CCDC88A: variants seen among roughly 807,000 people sequenced by gnomAD.
The protein encoded by CCDC88A is coiled-coil and HOOK domain protein 88A.
In CCDC88A, 54 loss-of-function variants were observed where a neutral mutation model predicts 234.3. The ratio of observed to expected loss-of-function variants is 0.23; its 90% CI spans 0.19 to 0.29. CCDC88A has a LOEUF of 0.29. CCDC88A is among the 10% of genes least tolerant of loss of function. The pLI, the probability that CCDC88A is intolerant of heterozygous loss-of-function variation, is 1.00. For synonymous variants in CCDC88A, 753 were observed against 737.8 expected, an observed-to-expected ratio of 1.02 and a Z score of -0.33; for missense variants, 1,832 against 2,123.4, an observed-to-expected ratio of 0.86 and a Z score of 2.70.
rs1233951594 is a variant in CCDC88A, at chr2:55,317,162, C to CT, written c.3746+43dup. ...ATATATACACATATATATGTATATA[C>CT]TTTCTATATAAAATGTTTGTTATAT... On this transcript the variant is annotated intron_variant, in intron 21 of 32. Coordinates refer to ENST00000436346, the MANE Select transcript of CCDC88A (RefSeq NM_001365480.1). This position sits in a 1 kb window ranked among gnomAD's most constrained non-coding sequence, Gnocchi z 4.2. The CT allele has an allele frequency of 5.8e-6, 5 of 856,544 alleles. No homozygotes were observed. Among genetic ancestry groups the CT allele is most frequent in the African/African-American group, 1.8e-5 (1 of 56,570 alleles). The allele number at this position is 856,544 out of a possible 1,614,324, so 53.1% of individuals were successfully genotyped here. A position where few individuals can be genotyped will look rare whatever the true frequency, so the allele number is the denominator to read the frequency against.
chr2:55,295,891 A>C lies in CCDC88A; in HGVS notation c.5257T>G (p.Phe1753Val), dbSNP rs766773561. 5 of 1,614,066 alleles carry C rather than the reference A, an allele frequency of 3.1e-6. No individual in the cohort carries two copies. In the South Asian group the frequency reaches 5.5e-5, roughly 18 times the overall value. ...GTTTTTCGAGGACCAGGTCTCAAAA[A>C]CTCAGGCTTAGTTGTCCGTCTATCA... The part of the protein sequence containing the change: ...FYDRRTTKPE[F>V]LRPGPRKTED... Residue 1753 changes from phenylalanine (F) to valine (V), a missense_variant, in exon 31 of 33, where the codon TTT becomes GTT. This residue lies in a region of CCDC88A where 422 missense variants were observed against 416.5 expected (regional missense o/e 1.01). Coordinates refer to ENST00000436346, the MANE Select transcript of CCDC88A (RefSeq NM_001365480.1).
chr2:55,360,234 G>T (rs745515849), intron 7 of CCDC88A, among the ~76,000 whole-genome samples: 1 of 151,944 alleles, frequency 6.6e-6, no homozygotes, highest in Non-Finnish European at 1.5e-5. Flanking sequence ...TGTTAAAAAG[G>T]GTGACCAAAT....
In CCDC88A at chr2:55,318,977, C is replaced by T. The variant is rs1482751398; in HGVS notation, c.3190G>A (p.Ala1064Thr). Reference sequence around the variant, plus strand: ...AGTTGCTTCAGTTGAGTTTTCAACGCTTGCTTCTCTGCTTGCAGTGTAGCA... The same window carrying T: ...AGTTGCTTCAGTTGAGTTTTCAACGTTTGCTTCTCTGCTTGCAGTGTAGCA... ...NNATLQAEKQ[A>T]LKTQLKQLET... The change falls in exon 19 of 33, where the codon GCG (alanine) becomes ACG (threonine). Residue 1064 changes from alanine to threonine, a missense_variant. Around this residue, in one of 6 missense-constraint regions of CCDC88A, gnomAD observed 1,282 missense variants for 1,543.6 expected, o/e 0.83. Coordinates refer to ENST00000436346, the MANE Select transcript of CCDC88A (RefSeq NM_001365480.1). 1 of 1,613,068 alleles carries T rather than the reference C, an allele frequency of 6.2e-7. No individual in the cohort carries two copies. The highest frequency in any genetic ancestry group is 8.5e-7 in the Non-Finnish European group (1 of 1,179,482).
At chr2:55,325,496 C>T (rs534756371) in intron 17 of CCDC88A, among the ~76,000 whole-genome samples, 43 of 152,234 alleles carry the variant, frequency 2.8e-4, no homozygotes, top group Non-Finnish European at 5.4e-4. Flanking sequence ...TTTACTTCTT[C>T]CTTTCAAATC....
At chr2:55,291,624 T>G in intron 32 of CCDC88A, 52 bp downstream of exon 32, 1 of 750,486 alleles carries the variant, frequency 1.3e-6, no homozygotes, top group African/African-American at 1.8e-5. Flanking sequence ...TTAATTTGGT[T>G]AGTTTGTATA....
chr2:55,343,551 G>A, intron 12 of CCDC88A, 97 bp downstream of exon 12: 1 of 887,422 alleles, frequency 1.1e-6, no homozygotes, highest in East Asian at 2.7e-5. Flanking sequence ...GTAGTCTTCT[G>A]AGATATCTCC....
At chr2:55,400,175 A>G (rs1179922061) in intron 2 of CCDC88A, among the ~76,000 whole-genome samples, 2 of 152,222 alleles carry the variant, frequency 1.3e-5, no homozygotes, top group Non-Finnish European at 2.9e-5. Context: ...ACAATTAATA[A>G]AGTTTTTATC....
At chr2:55,296,211 A>T in intron 30 of CCDC88A, 47 bp downstream of exon 30, 1 of 1,526,430 alleles carries the variant, frequency 6.6e-7, no homozygotes, top group Non-Finnish European at 8.9e-7. Flanking sequence ...ACAGAAATTT[A>T]ACTTGTGGTG....
At chr2:55,375,596 T>G (rs987864022) in intron 3 of CCDC88A, among the ~76,000 whole-genome samples, 1 of 150,006 alleles carries the variant, frequency 6.7e-6, no homozygotes, top group Non-Finnish European at 1.5e-5. Flanking sequence ...GGTGTGATCT[T>G]GACTCACTGC....
chr2:55,388,638 T>G, intron 3 of CCDC88A, 140 bp downstream of exon 3: 1 of 459,236 alleles, frequency 2.2e-6, no homozygotes, highest in African/African-American at 2.1e-5. Flanking sequence ...TAAACTATCT[T>G]ATTTACTACT....
At position 55,309,221 on chromosome 2, in the gene CCDC88A, C is replaced by T; in HGVS notation, c.4113G>A (p.Glu1371=). ...DKLNELRRQK[E]KLEEKIMDQY... The stretch of plus-strand genomic sequence containing the variant: ...GATCCATAATTTTCTCTTCTAGTTT[C>T]TCCTTCTGACGTCTTAATTCATTTA... Residue 1371 remains glutamate, a synonymous_variant, in exon 24 of 33, where the codon GAG becomes GAA. Coordinates refer to ENST00000436346, the MANE Select transcript of CCDC88A (RefSeq NM_001365480.1). This position sits in a 1 kb window ranked among gnomAD's most constrained non-coding sequence, Gnocchi z 5.1. 6.6e-7 allele frequency: 1 copy of T among 1,522,984 alleles called. No individual in the cohort carries two copies. Among genetic ancestry groups the T allele is most frequent in the Non-Finnish European group, 9.0e-7 (1 of 1,110,880 alleles). 94.3% of individuals were successfully genotyped at this position (1,522,984 alleles called of 1,614,324 possible).
chr2:55,341,371 C>T (rs945104143), intron 12 of CCDC88A, among the ~76,000 whole-genome samples: 18 of 151,598 alleles, frequency 1.2e-4, no homozygotes, highest in Admixed American at 1.2e-3. Flanking sequence ...TGGTCTTGAC[C>T]TCGTGATCTG....
At chr2:55,351,999 T>C (rs1220304433) in intron 8 of CCDC88A, among the ~76,000 whole-genome samples, 3 of 152,300 alleles carry the variant, frequency 2.0e-5, no homozygotes, top group East Asian at 1.9e-4. Context: ...ATTCCATTTA[T>C]ACAATAAAAT....
At chr2:55,291,395 G>A (rs1679436265) in intron 32 of CCDC88A, 1 of 196,132 alleles carries the variant, frequency 5.1e-6, no homozygotes, top group Non-Finnish European at 1.0e-5. Flanking sequence ...TACCACAAAA[G>A]GCTTCAAACT....
Position 55,334,991 on chromosome 2 carries a change from T to A in CCDC88A, c.1830A>T (p.Lys610Asn), listed in dbSNP as rs150415081. ...GTTCCAATTCTTTTTTAATTTGTCT[T>A]TTTTCAAATTCAATCTTGCTTAGCT... ...SSKLSKIEFE[K>N]RQIKKELEHY... The change falls in exon 15 of 33, where the codon AAA becomes AAT. Residue 610 changes from lysine to asparagine, a missense_variant. Lys to Asn is a moderately conservative substitution (Grantham distance 94). Coordinates refer to ENST00000436346, the MANE Select transcript of CCDC88A (RefSeq NM_001365480.1). This position sits in a 1 kb window ranked among gnomAD's most constrained non-coding sequence, Gnocchi z 6.1. The A allele has an allele frequency of 2.8e-4, 442 of 1,597,664 alleles. 1 individual carries two copies. Among genetic ancestry groups the A allele is most frequent in the Non-Finnish European group, 3.6e-4 (423 of 1,171,950 alleles).
intron 3 of CCDC88A, among the ~76,000 whole-genome samples, chr2:55,382,724 T>C (rs781487011): frequency 1.3e-5 from 2 of 152,214 alleles, no homozygotes; most frequent in Non-Finnish European, 2.9e-5. Flanking sequence ...ACGGATCAAG[T>C]GATTATTTGA....
chr2:55,319,037 A>C, intron 18 of CCDC88A, 33 bp from the exon 19 acceptor site: 1 of 1,576,998 alleles, frequency 6.3e-7, no homozygotes, highest in Non-Finnish European at 8.7e-7. Context: ...CAAACATATT[A>C]ACAATAATGG....
chr2:55,370,491 AT>A (rs1271566187), intron 5 of CCDC88A, among the ~76,000 whole-genome samples: 1 of 151,800 alleles, frequency 6.6e-6, no homozygotes, highest in Non-Finnish European at 1.5e-5. Flanking sequence ...AAAATAAAAA[AT>A]TAGCCAGGTG....
At chr2:55,395,564 C>T (rs537203100) in intron 2 of CCDC88A, among the ~76,000 whole-genome samples, 1 of 152,308 alleles carries the variant, frequency 6.6e-6, no homozygotes, top group East Asian at 1.9e-4. Flanking sequence ...TATTTCCTAA[C>T]ACAAATATTG....
Sources: gnomAD v4.1 joint callset for allele counts (sites outside exome capture counted in the v4.1 genomes callset) on GRCh38, gnomAD v4.1.1 for gene constraint, gnomAD v4.1.1 regional missense constraint, Gnocchi (gnomAD v3.1) non-coding constraint, MANE v1.5 for transcripts, NCBI Gene and HGNC (gene_info 2026-07-23, HGNC 2026-07-21) for gene names.